The following SFMBT1 variants were observed in gnomAD, a reference collection of about 807,000 sequenced individuals.
SFMBT1 encodes scm-like with four MBT domains protein 1.
A neutral mutation model predicts 108.7 loss-of-function variants in SFMBT1; 32 were observed. The observed-to-expected ratio is 0.29, with a 90% CI of 0.22 to 0.40. SFMBT1 has a LOEUF of 0.40. Among genes scored for constraint, SFMBT1 ranks in the 10% least tolerant of loss-of-function variants. The pLI is 1.00. For synonymous variants in SFMBT1, 348 were observed against 369.5 expected (o/e 0.94, Z 0.67); for missense variants, 816 against 1,059.6 (o/e 0.77, Z 3.19).
rs556458656 is a variant in SFMBT1 at position 52,980,889 on chromosome 3, G to A, written c.-130-11631C>T. 2.5e-3 allele frequency among the ~76,000 whole-genome samples: 388 copies of A among 152,282 alleles called. 2 individuals carry two copies. The highest frequency in any genetic ancestry group is 8.8e-3 in the African/African-American group (366 of 41,558). ...AAAAGAAAGGTGAAGGAGTCCGGTC[G>A]CGGTAGCTCACGCCTGTAATCCCAG... is the stretch of plus-strand genomic sequence containing the variant. On this transcript the variant is annotated intron_variant, in intron 1 of 20. Coordinates refer to ENST00000394752, the MANE Select transcript of SFMBT1 (RefSeq NM_016329.4).
chr3:52,984,215 C>T (rs1016046608), intron 1 of SFMBT1, among the ~76,000 whole-genome samples: 1 of 152,106 alleles, frequency 6.6e-6, no homozygotes, highest in African/African-American at 2.4e-5. Flanking sequence ...CAAAATAGGG[C>T]AATATGATTA....
chr3:52,941,263 G>T (rs1348867972), intron 4 of SFMBT1, among the ~76,000 whole-genome samples: 1 of 152,144 alleles, frequency 6.6e-6, no homozygotes, highest in Non-Finnish European at 1.5e-5. Context: ...CATGACAACT[G>T]AATGTAACAC....
At chr3:52,989,620 G>A (rs568910987) in intron 1 of SFMBT1, among the ~76,000 whole-genome samples, 7 of 151,896 alleles carry the variant, frequency 4.6e-5, no homozygotes, top group South Asian at 2.1e-4. Context: ...CTAACACGGC[G>A]AAATGCTGTC....
chr3:53,024,909 G>A (rs1340367955), intron 1 of SFMBT1, among the ~76,000 whole-genome samples: 3 of 152,044 alleles, frequency 2.0e-5, no homozygotes, highest in Non-Finnish European at 4.4e-5. Flanking sequence ...AGAATATAAA[G>A]GCTTTGGCCA....
At position 52,966,303 on chromosome 3, in the gene SFMBT1, C is replaced by G. The variant is rs556762755; in HGVS notation, c.28+2798G>C. On this transcript the variant is annotated intron_variant, in intron 2 of 20. Coordinates refer to ENST00000394752, the MANE Select transcript of SFMBT1 (RefSeq NM_016329.4). Reference sequence around the variant, plus strand: ...CGCCACTGCACTGCAGCCTGGGCGACAGAGCAAGACTCCCGTCTCAAAAGA... The same window carrying G: ...CGCCACTGCACTGCAGCCTGGGCGAGAGAGCAAGACTCCCGTCTCAAAAGA... Among the ~76,000 whole-genome samples, 206 of 137,028 alleles carry G rather than the reference C, an allele frequency of 1.5e-3. 1 individual carries two copies. Among genetic ancestry groups the G allele is most frequent in the Middle Eastern group, 4.0e-3 (1 of 250 alleles). The allele number at this position is 137,028 out of a possible 152,430, so 89.9% of individuals were successfully genotyped here. A position where few individuals can be genotyped will look rare whatever the true frequency, so the allele number is the denominator to read the frequency against.
chr3:52,973,806 T>G (rs1704426539), intron 1 of SFMBT1, among the ~76,000 whole-genome samples: 1 of 152,086 alleles, frequency 6.6e-6, no homozygotes, highest in Non-Finnish European at 1.5e-5. Flanking sequence ...AATTTTGTAT[T>G]GTGGTAGAGA....
intron 3 of SFMBT1, among the ~76,000 whole-genome samples, chr3:52,950,985 A>G (rs965476548): frequency 1.1e-4 from 16 of 151,336 alleles, no homozygotes; most frequent in Admixed American, 5.9e-4. Context: ...TTAGTCAAGC[A>G]TGGTGGTGGG....
chr3:53,025,907 C>T (rs748397697), intron 1 of SFMBT1, among the ~76,000 whole-genome samples: 11 of 152,134 alleles, frequency 7.2e-5, no homozygotes, highest in East Asian at 1.9e-4. Flanking sequence ...AGCTTTGGTG[C>T]GGGAGCTTTA....
chr3:52,983,606 T>G (rs1269112012), intron 1 of SFMBT1, among the ~76,000 whole-genome samples: 1 of 152,144 alleles, frequency 6.6e-6, no homozygotes, highest in Non-Finnish European at 1.5e-5. Context: ...AGCCTTAGTG[T>G]TGAGGTAACA....
intron 4 of SFMBT1, among the ~76,000 whole-genome samples, chr3:52,943,031 A>C (rs1703237050): frequency 6.6e-6 from 1 of 152,204 alleles, no homozygotes; most frequent in South Asian, 2.1e-4. Context: ...AATCAACAGC[A>C]CATCAGTCTG....
In SFMBT1 at chr3:52,920,561, G is replaced by T. The variant is rs1389501198; in HGVS notation, c.1348C>A (p.Leu450Ile). 6.2e-7 allele frequency: 1 copy of T among 1,613,800 alleles called. No individual in the cohort carries two copies. The highest frequency in any genetic ancestry group is 1.7e-5 in the Admixed American group (1 of 59,970). The change falls in exon 12 of 21, where the codon CTC becomes ATC. Residue 450 changes from leucine (L) to isoleucine (I), a missense_variant. This residue lies in a region of SFMBT1 where 495 missense variants were observed against 607.4 expected (regional missense o/e 0.81). Transcript: ENST00000394752. The part of the protein sequence containing the change: ...LGWCETNGHP[L>I]STPRRARVYK... Reference sequence around the variant, plus strand: ...CCTCGTGCTCGGCGAGGAGTGCTGAGGGGGTGGCCGTTGGTTTCACACCAG... The same window carrying T: ...CCTCGTGCTCGGCGAGGAGTGCTGATGGGGTGGCCGTTGGTTTCACACCAG...
intron 1 of SFMBT1, among the ~76,000 whole-genome samples, chr3:52,976,451 C>T (rs1250285670): frequency 1.3e-5 from 2 of 151,980 alleles, no homozygotes; most frequent in Non-Finnish European, 2.9e-5. Flanking sequence ...AAATTAGAAC[C>T]TTACTTTATG....
intron 1 of SFMBT1, among the ~76,000 whole-genome samples, chr3:52,974,833 T>TAAAAAAA (rs10646648): frequency 2.4e-4 from 22 of 90,584 alleles, no homozygotes; most frequent in Non-Finnish European, 3.3e-4. Flanking sequence ...CTATAAAAAG[T>TAAAAAAA]AAAAAAAAAA....
intron 1 of SFMBT1, chr3:53,045,389 G>A (rs1700196720): frequency 7.0e-6 from 1 of 142,698 alleles, no homozygotes; most frequent in Non-Finnish European, 1.6e-5. Context: ...CGCGGGGAGG[G>A]GCGCGCGGCG....
chr3:52,983,321 T>C (rs909436174), intron 1 of SFMBT1, among the ~76,000 whole-genome samples: 4 of 152,210 alleles, frequency 2.6e-5, no homozygotes, highest in Admixed American at 2.0e-4. Flanking sequence ...GCTTACTCTA[T>C]TGTAAGAAAA....
At chr3:52,930,509 G>A in intron 7 of SFMBT1, 79 bp from the exon 8 acceptor site, 1 of 827,358 alleles carries the variant, frequency 1.2e-6, no homozygotes. Context: ...GTGATTAACA[G>A]AAATGTCCAG....
intron 1 of SFMBT1, among the ~76,000 whole-genome samples, chr3:52,997,858 A>G (rs1204726206): frequency 6.6e-6 from 1 of 150,728 alleles, no homozygotes; most frequent in African/African-American, 2.4e-5. Context: ...CACTTACAAT[A>G]TAAAACATGC....
chr3:53,022,770 G>A (rs1699360574), intron 1 of SFMBT1, among the ~76,000 whole-genome samples: 1 of 152,112 alleles, frequency 6.6e-6, no homozygotes. Context: ...AGCGGGAAAT[G>A]GGAAGTTATT....
chr3:52,985,168 T>G (rs547965730), intron 1 of SFMBT1, among the ~76,000 whole-genome samples: 1 of 152,326 alleles, frequency 6.6e-6, no homozygotes, highest in Admixed American at 6.5e-5. Context: ...AGGAGCTATT[T>G]GATTCACCAA....
Sources: allele counts gnomAD v4.1 joint callset (sites outside exome capture counted in the v4.1 genomes callset), GRCh38; gene constraint gnomAD v4.1.1; regional missense constraint gnomAD v4.1.1; transcripts MANE v1.5; gene names NCBI Gene and HGNC (gene_info 2026-07-23, HGNC 2026-07-21).